Variants in PJVK observed in about 807,000 individuals in gnomAD.
PJVK encodes the protein pejvakin.
In PJVK, 33 loss-of-function variants were observed where a neutral mutation model predicts 37.6. The observed-to-expected ratio is 0.88, with a 90% CI of 0.67 to 1.17. PJVK has a LOEUF of 1.17. Ranked by LOEUF, PJVK falls within the 50% of genes most tolerant of loss-of-function variation. The pLI is 0.00. For synonymous variants in PJVK, 141 were observed against 143.5 expected (o/e 0.98, Z 0.13); for missense variants, 410 against 413.8 (o/e 0.99, Z 0.08).
chr2:178,453,318 T>G, intron 1 of PJVK, 70 bp from the exon 2 acceptor site: 1 of 1,286,632 alleles, frequency 7.8e-7, no homozygotes, highest in Non-Finnish European at 1.1e-6. Flanking sequence ...TAATTATATT[T>G]AAAAACAAGC....
At chr2:178,452,711 C>CCCAA in intron 1 of PJVK, 1 of 851,018 alleles carries the variant, frequency 1.2e-6, no homozygotes, top group Non-Finnish European at 1.4e-6. Context: ...AGTCTGTGTG[C>CCCAA]CCAACTTCAG....
chr2:178,457,339 G>C (rs1037717967), intron 4 of PJVK, among the ~76,000 whole-genome samples: 1 of 152,196 alleles, frequency 6.6e-6, no homozygotes, highest in South Asian at 2.1e-4. Context: ...TTAGCGGCAA[G>C]GTGCAGTGGA....
At chr2:178,451,820 G>C in intron 1 of PJVK, 51 bp downstream of exon 1, 3 of 985,422 alleles carry the variant, frequency 3.0e-6, no homozygotes, top group Non-Finnish European at 3.6e-6. Flanking sequence ...GCCTTTCCGG[G>C]GACCTGGGTA....
intron 5 of PJVK, chr2:178,459,360 A>G: frequency 5.8e-6 from 2 of 343,492 alleles, no homozygotes; most frequent in South Asian, 5.1e-5. Flanking sequence ...AAACAAAACT[A>G]CATGTTAAGT....
In PJVK at chr2:178,454,466, T is replaced by C. The variant is rs1394815886; in HGVS notation, c.346T>C (p.Phe116Leu). ...GSDSIAVKAS[F>L]GIVTKHEVEV... ...AGATTCCATTGCAGTGAAAGCTTCA[T>C]TTGGTATAGTAACCAAACATGAAGT... is the stretch of plus-strand genomic sequence containing the variant. The change falls in exon 3 of 7, where the codon TTT becomes CTT. Residue 116 changes from phenylalanine (F) to leucine (L), a missense_variant. Transcript: ENST00000644580. The C allele has an allele frequency of 2.5e-6, 4 of 1,614,004 alleles. No homozygotes were observed. Among genetic ancestry groups the C allele is most frequent in the Non-Finnish European group, 2.5e-6 (3 of 1,179,970 alleles).
Position 178,454,312 on chromosome 2 carries a change from C to T in PJVK, c.212-20C>T, listed in dbSNP as rs1208415902. 3 of 1,592,198 alleles carry T rather than the reference C, an allele frequency of 1.9e-6. No homozygotes were observed. The South Asian group carries it at 3.4e-5, about 18-fold the overall frequency. ...ATAAGATAAAGATGTTTAAAAAATA[C>T]TGAGTTTCTTCTTATAAAGGTATTT... On this transcript the variant is annotated intron_variant, in intron 2 of 6. Transcript: ENST00000644580.
At chr2:178,454,946 T>A (rs901212935) in intron 3 of PJVK, 1 of 904,952 alleles carries the variant, frequency 1.1e-6, no homozygotes, top group Non-Finnish European at 1.9e-6. Flanking sequence ...ACCTGCCTGA[T>A]TACCGCTGGA....
rs1269401900 is a variant in PJVK, at chr2:178,451,679, A to G, written c.-113A>G. The G allele has an allele frequency of 4.5e-6, 3 of 661,224 alleles. No homozygotes were observed. Among genetic ancestry groups the G allele is most frequent in the African/African-American group, 2.0e-5 (1 of 50,810 alleles). 41.0% of individuals were successfully genotyped at this position (661,224 alleles called of 1,614,324 possible). A position where few individuals can be genotyped will look rare whatever the true frequency, so the allele number is the denominator to read the frequency against. On this transcript the variant is annotated 5_prime_UTR_variant, in exon 1 of 7. Coordinates refer to ENST00000644580, the MANE Select transcript of PJVK (RefSeq NM_001042702.5). The stretch of plus-strand genomic sequence containing the variant: ...CTTCGGGTCCCCGAGCCCTGTGTTT[A>G]GGAACACGCGGGGACGTCCAAACAC...
chr2:178,453,696 C>A, intron 2 of PJVK, 76 bp downstream of exon 2: 4 of 1,195,164 alleles, frequency 3.3e-6, no homozygotes, highest in Non-Finnish European at 4.9e-6. Flanking sequence ...ATATATGCTA[C>A]TTATGTTAGT....
intron 4 of PJVK, among the ~76,000 whole-genome samples, chr2:178,456,397 A>G (rs558467592): frequency 6.6e-6 from 1 of 152,290 alleles, no homozygotes; most frequent in Non-Finnish European, 1.5e-5. Context: ...TGCATACTGG[A>G]GTCCCTCAAG....
intron 2 of PJVK, 61 bp downstream of exon 2, chr2:178,453,681 A>G (rs1024759531): frequency 4.1e-5 from 55 of 1,353,104 alleles, no homozygotes; most frequent in Non-Finnish European, 5.4e-5. Flanking sequence ...ACCTAAACAT[A>G]GGTCATATAT....
chr2:178,454,849 C>T, intron 3 of PJVK: 1 of 1,098,258 alleles, frequency 9.1e-7, no homozygotes. Flanking sequence ...CTTGACTCCC[C>T]AGGGAAGCAG....
Position 178,454,502 on chromosome 2 carries a change from A to G in PJVK, c.382A>G (p.Thr128Ala), listed in dbSNP as rs1440143941. 6.2e-7 allele frequency: 1 copy of G among 1,613,858 alleles called. No homozygotes were observed. The highest frequency in any genetic ancestry group is 8.5e-7 in the Non-Finnish European group (1 of 1,179,954). ...AACCAAACATGAAGTGGAAGTATCA[A>G]CATTACTCAAAGAAATTACTACACG... ...IVTKHEVEVS[T>A]LLKEITTRKI... Residue 128 changes from threonine (T) to alanine (A), a missense_variant, in exon 3 of 7, where the codon ACA becomes GCA. By Grantham distance (58) the Thr-to-Ala change is moderately conservative. Transcript: ENST00000644580.
Position 178,461,584 on chromosome 2 carries a change from CTT to C in PJVK, c.*327_*328del, listed in dbSNP as rs536141412. On this transcript the variant is annotated 3_prime_UTR_variant, in exon 7 of 7. Coordinates refer to ENST00000644580, the MANE Select transcript of PJVK (RefSeq NM_001042702.5). ...GATGTAGTCTATCATTTTAGTTCAC[CTT>C]TTTTTTTTTTTTTTTTGAGACAGAG... Among the ~76,000 whole-genome samples the C allele has an allele frequency of 7.3e-5, 9 of 122,772 alleles. No homozygotes were observed. The highest frequency in any genetic ancestry group is 8.4e-5 in the Admixed American group (1 of 11,926). 80.5% of individuals were successfully genotyped at this position (122,772 alleles called of 152,430 possible). A position where few individuals can be genotyped will look rare whatever the true frequency, so the allele number is the denominator to read the frequency against.
chr2:178,461,505 C>A lies in PJVK; in HGVS notation c.*231C>A. The A allele has an allele frequency of 1.9e-5, 8 of 431,990 alleles. No homozygotes were observed. The highest frequency in any genetic ancestry group is 4.8e-5 in the East Asian group (1 of 20,644). 26.8% of individuals were successfully genotyped at this position (431,990 alleles called of 1,614,324 possible). ...CATTGTTTATATCAAAAAAGATTTACATATAAAATTCAGAGATTATGAATC... is the reference window on the plus strand; with the variant it reads ...CATTGTTTATATCAAAAAAGATTTAAATATAAAATTCAGAGATTATGAATC... On this transcript the variant is annotated 3_prime_UTR_variant, in exon 7 of 7. Transcript: ENST00000644580.
rs1697865249 is a variant in PJVK at position 178,453,744 on chromosome 2, G to A, written c.211+124G>A. The A allele has an allele frequency of 5.1e-6, 4 of 789,016 alleles. No individual in the cohort carries two copies. In the Admixed American group the frequency reaches 8.6e-5, roughly 17 times the overall value. 48.9% of individuals were successfully genotyped at this position (789,016 alleles called of 1,614,324 possible). On this transcript the variant is annotated intron_variant, in intron 2 of 6. Transcript: ENST00000644580. ...CAATGATTAAAGCAACTTTTATTATGATGTTAGTGTAATAACATTATTAAG... is the reference window on the plus strand; with the variant it reads ...CAATGATTAAAGCAACTTTTATTATAATGTTAGTGTAATAACATTATTAAG...
intron 3 of PJVK, chr2:178,455,166 T>A: frequency 6.3e-7 from 1 of 1,599,446 alleles, no homozygotes; most frequent in Non-Finnish European, 8.6e-7. Flanking sequence ...ACTGTGCATC[T>A]GGAGAAGATC....
At position 178,456,024 on chromosome 2, in the gene PJVK, A is replaced by G. The variant is rs773464128; in HGVS notation, c.422A>G (p.Asp141Gly). The change falls in exon 4 of 7, where the codon GAC (aspartate) becomes GGC (glycine). Residue 141 changes from aspartate to glycine, a missense_variant. Coordinates refer to ENST00000644580, the MANE Select transcript of PJVK (RefSeq NM_001042702.5). ...KEITTRKINF[D>G]HSLIRQSRSS... ...CTTTATTTTAGAAAAATTAACTTTG[A>G]CCACAGCTTGATACGTCAGTCAAGG... 5.0e-6 allele frequency: 8 copies of G among 1,614,138 alleles called. No individual in the cohort carries two copies. Among genetic ancestry groups the G allele is most frequent in the Non-Finnish European group, 6.8e-6 (8 of 1,180,014 alleles).
intron 3 of PJVK, 128 bp from the exon 4 acceptor site, chr2:178,455,878 TCTGA>T: frequency 2.0e-6 from 2 of 998,166 alleles, no homozygotes; most frequent in Non-Finnish European, 3.0e-6. Flanking sequence ...GGGTGTATTT[TCTGA>T]CTATTAGGAT....
Sources: allele counts gnomAD v4.1 joint callset (sites outside exome capture counted in the v4.1 genomes callset), GRCh38; gene constraint gnomAD v4.1.1; transcripts MANE v1.5; gene names NCBI Gene and HGNC (gene_info 2026-07-23, HGNC 2026-07-21).